The following CD4 variants were observed in gnomAD, a reference collection of about 807,000 sequenced individuals.
CD4 encodes the protein CD4 molecule.
Under a neutral mutation model 50.5 loss-of-function variants are expected in CD4, and 25 were observed. The ratio of observed to expected loss-of-function variants is 0.49; its 90% CI spans 0.36 to 0.69. The LOEUF is 0.69. CD4 is among the 30% of genes least tolerant of loss of function. The probability of loss-of-function intolerance (pLI) is 0.00; values close to 1 mark genes in which losing one functional copy is unlikely to be tolerated. For synonymous variants in CD4, 207 were observed against 221.9 expected (o/e 0.93, Z 0.60); for missense variants, 456 against 548.5 (o/e 0.83, Z 1.68).
intron 9 of CD4, 62 bp from the exon 10 acceptor site, chr12:6,819,237 G>C: frequency 6.4e-7 from 1 of 1,560,150 alleles, no homozygotes; most frequent in Non-Finnish European, 8.8e-7. Context: ...CATTGGAGGT[G>C]CTAGAACGCA....
chr12:6,818,508 G>GCATCTTCTT lies in CD4; in HGVS notation c.1246_1254dup (p.Ile416_Phe418dup), dbSNP rs1272588534. ...GGCCTCCTGCTTTTCATTGGGCTAG[G>GCATCTTCTT]CATCTTCTTCTGTGTCAGGTGCCGG... On this transcript the variant is annotated inframe_insertion, in exon 8 of 10. Coordinates refer to ENST00000011653, the MANE Select transcript of CD4 (RefSeq NM_000616.5). This position sits in a 1 kb window ranked among gnomAD's most constrained non-coding sequence, Gnocchi z 5.0. The GCATCTTCTT allele has an allele frequency of 1.9e-6, 3 of 1,612,934 alleles. No homozygotes were observed. Among genetic ancestry groups the GCATCTTCTT allele is most frequent in the Non-Finnish European group, 2.5e-6 (3 of 1,180,002 alleles).
chr12:6,796,606 C>T (rs1942382966), intron 1 of CD4, among the ~76,000 whole-genome samples: 1 of 152,170 alleles, frequency 6.6e-6, no homozygotes, highest in Admixed American at 6.5e-5. Context: ...CCACATCAAG[C>T]TTCCCGAAGC....
At position 6,800,253 on chromosome 12, in the gene CD4, G is replaced by GGTAGAGGGGGACAGC; in HGVS notation, c.50-52_50-38dup. 7 of 1,612,490 alleles carry GGTAGAGGGGGACAGC rather than the reference G, an allele frequency of 4.3e-6. No homozygotes were observed. In the South Asian group the frequency reaches 7.7e-5, roughly 18 times the overall value. ...GAGGAAAGGCAAAGGTGGAGGATGGGGTAGAGGGGGACAGCGGCGACATTG... is the reference window on the plus strand; with the variant it reads ...GAGGAAAGGCAAAGGTGGAGGATGGGGTAGAGGGGGACAGCGTAGAGGGGGACAGCGGCGACATTG... On this transcript the variant is annotated intron_variant, in intron 2 of 9. Transcript: ENST00000011653.
At chr12:6,809,890 CTT>C (rs33952514) in intron 3 of CD4, among the ~76,000 whole-genome samples, 15 of 125,946 alleles carry the variant, frequency 1.2e-4, no homozygotes, top group Middle Eastern at 4.0e-3. Flanking sequence ...GCCTATACCT[CTT>C]TTTTTTTTTT....
intron 1 of CD4, among the ~76,000 whole-genome samples, chr12:6,798,307 C>A (rs1406011062): frequency 8.5e-5 from 11 of 129,060 alleles, no homozygotes; most frequent in African/African-American, 3.2e-4. Context: ...GTAGCTGGGA[C>A]TACAGGCGCC....
Position 6,818,813 on chromosome 12 carries a change from G to C in CD4, c.1279-34G>C. The stretch of plus-strand genomic sequence containing the variant: ...GGGCACCTCCCTTCTGGAGGCCTGG[G>C]ACCCTCGTGACTCCCTTTCTTGTCC... On this transcript the variant is annotated intron_variant, in intron 8 of 9. Transcript: ENST00000011653. This position sits in a 1 kb window ranked among gnomAD's most constrained non-coding sequence, Gnocchi z 5.0. 6.3e-7 allele frequency: 1 copy of C among 1,597,022 alleles called. No homozygotes were observed. The highest frequency in any genetic ancestry group is 8.6e-7 in the Non-Finnish European group (1 of 1,164,452).
intron 1 of CD4, among the ~76,000 whole-genome samples, chr12:6,797,113 G>A (rs1423174950): frequency 6.6e-6 from 1 of 152,128 alleles, no homozygotes; most frequent in African/African-American, 2.4e-5. Context: ...GGGTGGGGCC[G>A]AGGATCTGCA....
In CD4 at chr12:6,792,472, A is replaced by G. The variant is rs1046191533; in HGVS notation, c.-68+2810A>G. On this transcript the variant is annotated intron_variant, in intron 1 of 9. Transcript: ENST00000011653. This position sits in a 1 kb window ranked among gnomAD's most constrained non-coding sequence, Gnocchi z 4.1. ...TGTACTACCCTGCGCTTTGTGTGTG[A>G]TTGTGGATTGTGTGTGCATAGCTGT... is the stretch of plus-strand genomic sequence containing the variant. Among the ~76,000 whole-genome samples, 2 of 151,602 alleles carry G rather than the reference A, an allele frequency of 1.3e-5. No individual in the cohort carries two copies. Among genetic ancestry groups the G allele is most frequent in the South Asian group, 4.2e-4 (2 of 4,788 alleles).
chr12:6,807,130 G>T (rs1424405777), intron 3 of CD4, among the ~76,000 whole-genome samples: 1 of 152,068 alleles, frequency 6.6e-6, no homozygotes, highest in Non-Finnish European at 1.5e-5. Flanking sequence ...TCGCGCCATT[G>T]CACTCCAACC....
chr12:6,810,241 T>C (rs1555116813), intron 3 of CD4, among the ~76,000 whole-genome samples: 1 of 152,196 alleles, frequency 6.6e-6, no homozygotes, highest in African/African-American at 2.4e-5. Flanking sequence ...TCCCATGAAT[T>C]TGTCCCAGAC....
rs781949199 is a variant in CD4, at chr12:6,818,945, G to T, written c.1346+31G>T. ...GATCTGGGAGGAGGGGTTGAGAGAG[G>T]GGAAAGGGGGAGGGGGAGGGAGTTA... On this transcript the variant is annotated intron_variant, in intron 9 of 9. Coordinates refer to ENST00000011653, the MANE Select transcript of CD4 (RefSeq NM_000616.5). This position sits in a 1 kb window ranked among gnomAD's most constrained non-coding sequence, Gnocchi z 5.0. 3 of 1,123,464 alleles carry T rather than the reference G, an allele frequency of 2.7e-6. No individual in the cohort carries two copies. Among genetic ancestry groups the T allele is most frequent in the South Asian group, 1.3e-5 (1 of 78,172 alleles). The allele number at this position is 1,123,464 out of a possible 1,614,324, so 69.6% of individuals were successfully genotyped here. A position where few individuals can be genotyped will look rare whatever the true frequency, so the allele number is the denominator to read the frequency against.
chr12:6,818,775 T>TC lies in CD4; in HGVS notation c.1279-66dup, dbSNP rs1270209648. ...CTTCTCCTGTCGCAGCTTCCCCCAC[T>TC]CCCCCCACCAAGGGGCACCTCCCTT... On this transcript the variant is annotated intron_variant, in intron 8 of 9. Transcript: ENST00000011653. The surrounding 1 kb of genome is among the most constrained non-coding windows in gnomAD (Gnocchi z 5.0). 1.4e-6 allele frequency: 2 copies of TC among 1,398,164 alleles called. No individual in the cohort carries two copies. The highest frequency in any genetic ancestry group is 2.3e-5 in the East Asian group (1 of 43,758). 86.6% of individuals were successfully genotyped at this position (1,398,164 alleles called of 1,614,324 possible). A position where few individuals can be genotyped will look rare whatever the true frequency, so the allele number is the denominator to read the frequency against.
At position 6,800,365 on chromosome 12, in the gene CD4, A is replaced by G. The variant is rs782517082; in HGVS notation, c.108A>G (p.Thr36=). 2 of 1,614,034 alleles carry G rather than the reference A, an allele frequency of 1.2e-6. No homozygotes were observed. Among genetic ancestry groups the G allele is most frequent in the Non-Finnish European group, 1.7e-6 (2 of 1,180,006 alleles). ...TGGTGCTGGGCAAAAAAGGGGATAC[A>G]GTGGAACTGACCTGTACAGCTTCCC... ...KKVVLGKKGD[T]VELTCTASQK... Residue 36 remains threonine, a synonymous_variant, in exon 3 of 10, where the codon ACA becomes ACG. Coordinates refer to ENST00000011653, the MANE Select transcript of CD4 (RefSeq NM_000616.5).
Position 6,819,582 on chromosome 12 carries a change from A to G in CD4, c.*253A>G. On this transcript the variant is annotated 3_prime_UTR_variant, in exon 10 of 10. Coordinates refer to ENST00000011653, the MANE Select transcript of CD4 (RefSeq NM_000616.5). ...CTTCAAGCCTAGCCCTTCTCTCATT[A>G]TTTCTCTCTGACCCTCTCCCCACTG... 1 of 541,654 alleles carries G rather than the reference A, an allele frequency of 1.8e-6. No homozygotes were observed. Among genetic ancestry groups the G allele is most frequent in the Non-Finnish European group, 3.3e-6 (1 of 300,626 alleles). The allele number at this position is 541,654 out of a possible 1,614,324, so 33.6% of individuals were successfully genotyped here. A position where few individuals can be genotyped will look rare whatever the true frequency, so the allele number is the denominator to read the frequency against.
At chr12:6,814,118 C>A in intron 3 of CD4, 24 bp from the exon 4 acceptor site, 2 of 1,609,102 alleles carry the variant, frequency 1.2e-6, no homozygotes, top group Non-Finnish European at 1.7e-6. Context: ...CCTCAGTCCC[C>A]CCCCATATGT....
At position 6,818,801 on chromosome 12, in the gene CD4, C is replaced by A; in HGVS notation, c.1279-46C>A. 6.4e-7 allele frequency: 1 copy of A among 1,551,820 alleles called. No homozygotes were observed. Among genetic ancestry groups the A allele is most frequent in the Non-Finnish European group, 8.9e-7 (1 of 1,123,202 alleles). The stretch of plus-strand genomic sequence containing the variant: ...CCCCCCACCAAGGGGCACCTCCCTT[C>A]TGGAGGCCTGGGACCCTCGTGACTC... On this transcript the variant is annotated intron_variant, in intron 8 of 9. Coordinates refer to ENST00000011653, the MANE Select transcript of CD4 (RefSeq NM_000616.5). This position sits in a 1 kb window ranked among gnomAD's most constrained non-coding sequence, Gnocchi z 5.0.
chr12:6,817,370 C>T lies in CD4; in HGVS notation c.1156+40C>T, dbSNP rs200352608. On this transcript the variant is annotated intron_variant, in intron 7 of 9. Coordinates refer to ENST00000011653, the MANE Select transcript of CD4 (RefSeq NM_000616.5). Reference sequence around the variant, plus strand: ...TCCAAGGCCTCTGCCTCCTGGGCTGCGGGACCTTCCTGTGGTTGGCAGAGA... The same window carrying T: ...TCCAAGGCCTCTGCCTCCTGGGCTGTGGGACCTTCCTGTGGTTGGCAGAGA... 251 of 1,517,352 alleles carry T rather than the reference C, an allele frequency of 1.7e-4. No homozygotes were observed. The African/African-American group carries it at 3.1e-3, about 19-fold the overall frequency. 94.0% of individuals were successfully genotyped at this position (1,517,352 alleles called of 1,614,324 possible). A position where few individuals can be genotyped will look rare whatever the true frequency, so the allele number is the denominator to read the frequency against.
At chr12:6,811,491 CTTTTTTT>C (rs11318741) in intron 3 of CD4, among the ~76,000 whole-genome samples, 6 of 111,034 alleles carry the variant, frequency 5.4e-5, no homozygotes, top group Admixed American at 3.8e-4. Context: ...TTTTCTTTTT[CTTTTTTT>C]TTTTTTTTTT....
chr12:6,798,255 T>A (rs1453140698), intron 1 of CD4, among the ~76,000 whole-genome samples: 1 of 136,204 alleles, frequency 7.3e-6, no homozygotes, highest in East Asian at 1.9e-4. Context: ...CTGCCACCTC[T>A]GCCTCCCGGG....
Sources: allele counts gnomAD v4.1 joint callset (sites outside exome capture counted in the v4.1 genomes callset), GRCh38; gene constraint gnomAD v4.1.1; non-coding constraint Gnocchi (gnomAD v3.1); transcripts MANE v1.5; gene names NCBI Gene and HGNC (gene_info 2026-07-23, HGNC 2026-07-21).